Variants in ZNF804B observed in about 807,000 individuals in gnomAD.
ZNF804B encodes zinc finger protein 804B.
In ZNF804B, 80 loss-of-function variants were observed where a neutral mutation model predicts 101.4. That is an observed-to-expected ratio of 0.79 (90% CI 0.66 to 0.95). The LOEUF is 0.95. Among genes scored for constraint, ZNF804B ranks in the 40% least tolerant of loss-of-function variants. The pLI is 0.00. For missense variants in ZNF804B, 1,673 were observed against 1,561.9 expected (o/e 1.07, Z -1.20); for synonymous variants, 622 against 558.8 (o/e 1.11, Z -1.59).
intron 1 of ZNF804B, among the ~76,000 whole-genome samples, chr7:88,919,363 A>G (rs1792685743): frequency 6.6e-6 from 1 of 152,130 alleles, no homozygotes; most frequent in Non-Finnish European, 1.5e-5. Flanking sequence ...TCATGAGAAA[A>G]TGGAAGTTAG....
Position 88,889,546 on chromosome 7 carries a change from A to AT in ZNF804B, c.108+129469dup, listed in dbSNP as rs376811365. On this transcript the variant is annotated intron_variant, in intron 1 of 3. Coordinates refer to ENST00000333190, the MANE Select transcript of ZNF804B (RefSeq NM_181646.5). ...TCTCTGATGATTAGTGATGATGAGC[A>AT]TTTTTTTCATGTTTGTGATGTTTGT... Among the ~76,000 whole-genome samples the AT allele has an allele frequency of 1.9e-3, 289 of 151,172 alleles. 2 individuals carry two copies. The highest frequency in any genetic ancestry group is 6.6e-3 in the African/African-American group (270 of 40,772).
rs1267131763 is a variant in ZNF804B, at chr7:89,337,070, T to C, written c.*38T>C. ...CCCCTCCTGTGGATAATTTTTTTAA[T>C]TGTCACTACCTATAAAATCATACAT... On this transcript the variant is annotated 3_prime_UTR_variant, in exon 4 of 4. Coordinates refer to ENST00000333190, the MANE Select transcript of ZNF804B (RefSeq NM_181646.5). The C allele has an allele frequency of 1.3e-6, 2 of 1,555,676 alleles. No individual in the cohort carries two copies. The highest frequency in any genetic ancestry group is 2.4e-5 in the South Asian group (2 of 84,128).
chr7:88,989,770 G>A (rs1793817980), intron 1 of ZNF804B, among the ~76,000 whole-genome samples: 4 of 152,020 alleles, frequency 2.6e-5, no homozygotes, highest in African/African-American at 9.7e-5. Flanking sequence ...TAATGACATG[G>A]CATCATGTAT....
chr7:89,292,819 A>G (rs977258362), intron 2 of ZNF804B, among the ~76,000 whole-genome samples: 10 of 151,932 alleles, frequency 6.6e-5, no homozygotes, highest in African/African-American at 1.7e-4. Context: ...GTATTTTTAT[A>G]TATTAGTAAT....
intron 1 of ZNF804B, among the ~76,000 whole-genome samples, chr7:88,767,101 C>G (rs1019700532): frequency 8.5e-5 from 13 of 152,222 alleles, no homozygotes; most frequent in Non-Finnish European, 1.2e-4. Flanking sequence ...TTTTCAGCAT[C>G]TTTTTTTGGT....
At chr7:88,910,427 A>G (rs544766088) in intron 1 of ZNF804B, among the ~76,000 whole-genome samples, 1 of 152,034 alleles carries the variant, frequency 6.6e-6, no homozygotes, top group African/African-American at 2.4e-5. Context: ...TTAAGTGTCT[A>G]TTAGATTAGA....
chr7:88,761,169 G>T (rs1376804850), intron 1 of ZNF804B, among the ~76,000 whole-genome samples: 1 of 151,966 alleles, frequency 6.6e-6, no homozygotes, highest in Non-Finnish European at 1.5e-5. Flanking sequence ...ATTAATAAAT[G>T]CTATATGTAA....
intron 1 of ZNF804B, among the ~76,000 whole-genome samples, chr7:88,796,298 T>G (rs1047430344): frequency 3.9e-5 from 6 of 152,124 alleles, no homozygotes; most frequent in Admixed American, 2.6e-4. Flanking sequence ...ATGATCTAAT[T>G]TTAATGATAA....
At chr7:88,888,539 G>A (rs1473349021) in intron 1 of ZNF804B, among the ~76,000 whole-genome samples, 1 of 151,942 alleles carries the variant, frequency 6.6e-6, no homozygotes, top group East Asian at 1.9e-4. Context: ...GATGATTAAT[G>A]CCAGAAACTG....
chr7:89,193,146 A>C (rs552028456), intron 1 of ZNF804B, among the ~76,000 whole-genome samples: 1 of 152,028 alleles, frequency 6.6e-6, no homozygotes, highest in South Asian at 2.1e-4. Flanking sequence ...AGTCCTGGAC[A>C]GGGAAATCAG....
chr7:88,998,470 G>A (rs1384044893), intron 1 of ZNF804B, among the ~76,000 whole-genome samples: 2 of 152,004 alleles, frequency 1.3e-5, no homozygotes, highest in Non-Finnish European at 2.9e-5. Flanking sequence ...AGAGAAGTGA[G>A]AAATCATCCT....
chr7:88,789,564 C>T (rs577643072), intron 1 of ZNF804B, among the ~76,000 whole-genome samples: 3 of 152,094 alleles, frequency 2.0e-5, no homozygotes, highest in Non-Finnish European at 4.4e-5. Context: ...TTTGGGTTCT[C>T]TCTGTATGCT....
chr7:88,794,412 T>C, intron 1 of ZNF804B: 1 of 1,613,782 alleles, frequency 6.2e-7, no homozygotes, highest in Admixed American at 1.7e-5. Context: ...GTTTATGAGT[T>C]TGTGTGAGAA....
At chr7:88,988,004 C>A (rs1019846268) in intron 1 of ZNF804B, among the ~76,000 whole-genome samples, 1 of 151,804 alleles carries the variant, frequency 6.6e-6, no homozygotes, top group Non-Finnish European at 1.5e-5. Flanking sequence ...CCTCTAATAA[C>A]CATTATTCTA....
At chr7:89,206,048 T>C (rs995375909) in intron 1 of ZNF804B, among the ~76,000 whole-genome samples, 3 of 152,262 alleles carry the variant, frequency 2.0e-5, no homozygotes, top group Non-Finnish European at 2.9e-5. Flanking sequence ...CTGCCAAGGC[T>C]TGGGGCTTAC....
At chr7:89,203,326 G>T (rs1043666372) in intron 1 of ZNF804B, among the ~76,000 whole-genome samples, 1 of 152,132 alleles carries the variant, frequency 6.6e-6, no homozygotes. Flanking sequence ...TGCATAAACT[G>T]ATGTACAGAA....
At chr7:88,986,039 C>A (rs1397021875) in intron 1 of ZNF804B, among the ~76,000 whole-genome samples, 1 of 152,068 alleles carries the variant, frequency 6.6e-6, no homozygotes, top group African/African-American at 2.4e-5. Flanking sequence ...TGGATGGATC[C>A]TCCATTTATA....
At chr7:89,266,830 G>A (rs1217879242) in intron 2 of ZNF804B, among the ~76,000 whole-genome samples, 1 of 151,326 alleles carries the variant, frequency 6.6e-6, no homozygotes, top group Non-Finnish European at 1.5e-5. Context: ...TCAAAAAAGT[G>A]AGGAAATGGC....
At chr7:88,787,680 A>T (rs1312818599) in intron 1 of ZNF804B, among the ~76,000 whole-genome samples, 2 of 152,128 alleles carry the variant, frequency 1.3e-5, no homozygotes, top group Non-Finnish European at 2.9e-5. Context: ...TCCTGTTATC[A>T]CTCTCATTGT....
Sources: gnomAD v4.1 joint callset for allele counts (sites outside exome capture counted in the v4.1 genomes callset) on GRCh38, gnomAD v4.1.1 for gene constraint, MANE v1.5 for transcripts, NCBI Gene and HGNC (gene_info 2026-07-23, HGNC 2026-07-21) for gene names.